The following MB21D2 variants were observed in gnomAD, a reference collection of about 807,000 sequenced individuals.
MB21D2 encodes Mab-21 domain containing 2, also known as nucleotidyltransferase MB21D2.
A neutral mutation model predicts 33.3 loss-of-function variants in MB21D2; 9 were observed. The observed-to-expected ratio is 0.27, with a 90% CI of 0.16 to 0.47. The LOEUF is 0.47. Ranked by LOEUF, MB21D2 falls within the 20% of genes least tolerant of loss-of-function variation. The pLI is 0.99. For missense variants in MB21D2, 540 were observed against 624.6 expected (o/e 0.86, Z 1.44); for synonymous variants, 241 against 236.3 (o/e 1.02, Z -0.18).
At chr3:192,820,798 T>C (rs1275144821) in intron 1 of MB21D2, among the ~76,000 whole-genome samples, 2 of 152,168 alleles carry the variant, frequency 1.3e-5, no homozygotes, top group African/African-American at 4.8e-5. Flanking sequence ...AGGGGCTCGC[T>C]CTGTCACCCA....
At chr3:192,822,011 G>A (rs987383444) in intron 1 of MB21D2, among the ~76,000 whole-genome samples, 1 of 152,144 alleles carries the variant, frequency 6.6e-6, no homozygotes, top group African/African-American at 2.4e-5. Context: ...AATGGCACCT[G>A]TGAACCCAGG....
intron 1 of MB21D2, among the ~76,000 whole-genome samples, chr3:192,854,595 G>C (rs1238643804): frequency 6.6e-6 from 1 of 152,242 alleles, no homozygotes; most frequent in Non-Finnish European, 1.5e-5. Flanking sequence ...TTTCAATGGA[G>C]ATGAAACAGT....
intron 1 of MB21D2, among the ~76,000 whole-genome samples, chr3:192,842,374 G>A (rs561338236): frequency 6.6e-6 from 1 of 152,304 alleles, no homozygotes; most frequent in African/African-American, 2.4e-5. Flanking sequence ...GCTACCACAG[G>A]ACACATTTTT....
At chr3:192,857,280 C>A (rs1712937806) in intron 1 of MB21D2, among the ~76,000 whole-genome samples, 2 of 152,176 alleles carry the variant, frequency 1.3e-5, no homozygotes, top group Admixed American at 1.3e-4. Flanking sequence ...TCTGAAATGG[C>A]ATAATGTAAG....
chr3:192,917,469 G>A (rs1287435324), intron 1 of MB21D2, among the ~76,000 whole-genome samples, 161 bp downstream of exon 1: 1 of 152,174 alleles, frequency 6.6e-6, no homozygotes, highest in Non-Finnish European at 1.5e-5. Context: ...GCTTTCGGCG[G>A]AGAAAGAAGA....
At chr3:192,908,007 T>C (rs1424832330) in intron 1 of MB21D2, among the ~76,000 whole-genome samples, 1 of 152,200 alleles carries the variant, frequency 6.6e-6, no homozygotes, top group Non-Finnish European at 1.5e-5. Flanking sequence ...GCAATCACTA[T>C]GGACATTTCT....
At chr3:192,818,218 C>T (rs938459645) in intron 1 of MB21D2, among the ~76,000 whole-genome samples, 64 of 152,146 alleles carry the variant, frequency 4.2e-4, no homozygotes, top group African/African-American at 1.4e-3. Flanking sequence ...AAGACAGGAA[C>T]GGAGCCTTAT....
chr3:192,891,655 T>C (rs1224310315), intron 1 of MB21D2, among the ~76,000 whole-genome samples: 3 of 152,128 alleles, frequency 2.0e-5, no homozygotes, highest in African/African-American at 7.3e-5. Flanking sequence ...ATGTTAATGC[T>C]TTTATTACTG....
intron 1 of MB21D2, among the ~76,000 whole-genome samples, chr3:192,867,975 T>C (rs972493163): frequency 1.3e-5 from 2 of 152,020 alleles, no homozygotes; most frequent in African/African-American, 4.8e-5. Flanking sequence ...AGGGGAAAAA[T>C]GCTTGGTCAG....
At chr3:192,867,381 C>T (rs1406115890) in intron 1 of MB21D2, among the ~76,000 whole-genome samples, 1 of 152,154 alleles carries the variant, frequency 6.6e-6, no homozygotes, top group Non-Finnish European at 1.5e-5. Context: ...ACCATTCTGT[C>T]AGTATCTTAT....
At chr3:192,895,787 C>G (rs555804359) in intron 1 of MB21D2, among the ~76,000 whole-genome samples, 12 of 152,128 alleles carry the variant, frequency 7.9e-5, no homozygotes, top group African/African-American at 2.9e-4. Flanking sequence ...GGCTGGAGTG[C>G]AGTGGCACGA....
intron 1 of MB21D2, among the ~76,000 whole-genome samples, chr3:192,877,943 T>C (rs1713470118): frequency 1.3e-5 from 2 of 150,336 alleles, no homozygotes; most frequent in Admixed American, 6.6e-5. Flanking sequence ...AATAAATCAT[T>C]ACCCTCCTTT....
intron 1 of MB21D2, among the ~76,000 whole-genome samples, chr3:192,808,906 A>G (rs1711724053): frequency 6.6e-6 from 1 of 152,238 alleles, no homozygotes; most frequent in African/African-American, 2.4e-5. Flanking sequence ...TAGCACCAGC[A>G]ATGACACACA....
intron 1 of MB21D2, among the ~76,000 whole-genome samples, chr3:192,892,612 T>C (rs1284997146): frequency 6.6e-6 from 1 of 152,088 alleles, no homozygotes; most frequent in Non-Finnish European, 1.5e-5. Flanking sequence ...GGCTACTTTT[T>C]GTATTTTTTT....
intron 1 of MB21D2, among the ~76,000 whole-genome samples, chr3:192,850,948 C>T (rs1712789386): frequency 6.6e-6 from 1 of 152,154 alleles, no homozygotes; most frequent in Non-Finnish European, 1.5e-5. Context: ...GTTAAGAGCA[C>T]AGACTCTGCA....
intron 1 of MB21D2, among the ~76,000 whole-genome samples, chr3:192,855,744 T>C (rs1712902109): frequency 6.6e-6 from 1 of 152,142 alleles, no homozygotes; most frequent in African/African-American, 2.4e-5. Context: ...ACCTCCTCCA[T>C]TTACAGGATA....
chr3:192,806,783 A>T (rs1445357447), intron 1 of MB21D2, among the ~76,000 whole-genome samples: 2 of 152,320 alleles, frequency 1.3e-5, no homozygotes, highest in African/African-American at 2.4e-5. Flanking sequence ...TGCCTCTCTA[A>T]TCTTCCATTA....
intron 1 of MB21D2, among the ~76,000 whole-genome samples, chr3:192,893,659 G>A (rs1713902639): frequency 6.6e-6 from 1 of 152,068 alleles, no homozygotes; most frequent in Non-Finnish European, 1.5e-5. Context: ...CATTTCTCAG[G>A]GTCCAGTCCA....
intron 1 of MB21D2, among the ~76,000 whole-genome samples, chr3:192,824,752 T>C (rs1455748329): frequency 6.6e-6 from 1 of 152,204 alleles, no homozygotes; most frequent in African/African-American, 2.4e-5. Context: ...TGTTTGAGTG[T>C]TAACTCTTTG....
Sources: allele counts gnomAD v4.1 joint callset (sites outside exome capture counted in the v4.1 genomes callset), GRCh38; gene constraint gnomAD v4.1.1; transcripts MANE v1.5; gene names NCBI Gene and HGNC (gene_info 2026-07-23, HGNC 2026-07-21).